Variants in MPP7 observed in about 807,000 individuals in gnomAD.
The protein encoded by MPP7 is MAGUK p55 subfamily member 7.
Under a neutral mutation model 76.5 loss-of-function variants are expected in MPP7, and 60 were observed. The observed-to-expected ratio is 0.78, with a 90% CI of 0.64 to 0.97. The LOEUF (loss-of-function observed/expected upper bound fraction) is 0.97, where lower values mean the gene tolerates loss of function less well. Among genes scored for constraint, MPP7 ranks in the 50% least tolerant of loss-of-function variants. The pLI, the probability that MPP7 is intolerant of heterozygous loss-of-function variation, is 0.00. For synonymous variants in MPP7, 237 were observed against 244.5 expected (o/e 0.97, Z 0.29); for missense variants, 641 against 694.0 (o/e 0.92, Z 0.86).
chr10:28,137,086 A>C (rs1015607698), intron 5 of MPP7, among the ~76,000 whole-genome samples: 1 of 152,188 alleles, frequency 6.6e-6, no homozygotes, highest in Non-Finnish European at 1.5e-5. Context: ...CATCCAAAAG[A>C]TTTAAAAAAC....
chr10:28,123,946 T>C (rs1834924929), intron 8 of MPP7, 85 bp downstream of exon 8: 4 of 900,878 alleles, frequency 4.4e-6, no homozygotes, highest in African/African-American at 3.3e-5. Flanking sequence ...ACAAATCCTG[T>C]CTATGTCAAA....
intron 9 of MPP7, 75 bp downstream of exon 9, chr10:28,120,519 A>T (rs1164813062): frequency 6.6e-7 from 1 of 1,520,384 alleles, no homozygotes. Flanking sequence ...GTGTTGTGAC[A>T]AAGTGGATAT....
chr10:28,144,524 C>G (rs1436544908), intron 5 of MPP7, among the ~76,000 whole-genome samples: 1 of 152,150 alleles, frequency 6.6e-6, no homozygotes, highest in South Asian at 2.1e-4. Flanking sequence ...ACTGTTCGCC[C>G]GTTCTGAGGC....
intron 1 of MPP7, among the ~76,000 whole-genome samples, chr10:28,274,852 C>T (rs1840442423): frequency 6.6e-6 from 1 of 152,140 alleles, no homozygotes; most frequent in South Asian, 2.1e-4. Flanking sequence ...CAAAAATAAG[C>T]TACTCTCATT....
At chr10:28,114,059 A>G (rs182697295) in intron 11 of MPP7, among the ~76,000 whole-genome samples, 4 of 152,280 alleles carry the variant, frequency 2.6e-5, no homozygotes, top group Non-Finnish European at 4.4e-5. Flanking sequence ...CTTCAAGTAC[A>G]TTAGAGCAGG....
chr10:28,335,101 G>T (rs975679492), upstream of MPP7, among the ~76,000 whole-genome samples: 2 of 152,258 alleles, frequency 1.3e-5, no homozygotes, highest in African/African-American at 4.8e-5. Context: ...ACGGCTGTGG[G>T]AGGAGATCTT....
At chr10:28,303,909 A>T (rs1313033669), upstream of MPP7, among the ~76,000 whole-genome samples, 1 of 152,230 alleles carries the variant, frequency 6.6e-6, no homozygotes, top group Non-Finnish European at 1.5e-5. Context: ...TAATGTGGAC[A>T]GCACTACACT....
intron 3 of MPP7, among the ~76,000 whole-genome samples, chr10:28,174,961 C>T (rs1588885157): frequency 6.6e-6 from 1 of 152,132 alleles, no homozygotes; most frequent in South Asian, 2.1e-4. Flanking sequence ...AAGAAAGACA[C>T]AAACAAAATA....
intron 1 of MPP7, among the ~76,000 whole-genome samples, chr10:28,262,357 A>C (rs1840020862): frequency 6.8e-6 from 1 of 147,190 alleles, no homozygotes; most frequent in Non-Finnish European, 1.5e-5. Context: ...CGGCCTCCCA[A>C]AGTGCTGGGA....
intron 5 of MPP7, among the ~76,000 whole-genome samples, chr10:28,146,308 T>C (rs1039590128): frequency 2.6e-5 from 4 of 152,174 alleles, no homozygotes; most frequent in African/African-American, 9.7e-5. Context: ...TCATTAATCA[T>C]AGCCTGTTTA....
At chr10:28,076,344 A>G (rs1852482016) in intron 12 of MPP7, among the ~76,000 whole-genome samples, 1 of 152,216 alleles carries the variant, frequency 6.6e-6, no homozygotes, top group African/African-American at 2.4e-5. Context: ...TTGGTTGTCT[A>G]TAATATGTCA....
At chr10:28,166,394 C>T (rs1347121859) in intron 3 of MPP7, among the ~76,000 whole-genome samples, 5 of 144,860 alleles carry the variant, frequency 3.5e-5, no homozygotes, top group African/African-American at 1.0e-4. Context: ...TATTTTTTAC[C>T]TTTTAATTTT....
In MPP7 at chr10:28,149,965, C is replaced by A. The variant is rs1422320079; in HGVS notation, c.234+17G>T. ...TGCAGCAGACACATCCCAGTGAGCT[C>A]GGAGAGTCACACTTACATCATCGGC... On this transcript the variant is annotated intron_variant, in intron 4 of 16. Transcript: ENST00000683449. 1.2e-6 allele frequency: 2 copies of A among 1,607,496 alleles called. No homozygotes were observed. Among genetic ancestry groups the A allele is most frequent in the Admixed American group, 1.7e-5 (1 of 59,816 alleles).
intron 3 of MPP7, among the ~76,000 whole-genome samples, chr10:28,150,284 T>C (rs2490056): frequency 0.45 from 69,164 of 152,114 alleles, 18,291 homozygotes; most frequent in Middle Eastern, 0.66. Context: ...GTTTACAACA[T>C]GGAGTCAAAT....
intron 16 of MPP7, among the ~76,000 whole-genome samples, chr10:28,056,130 T>C (rs1390580707): frequency 6.6e-6 from 1 of 152,112 alleles, no homozygotes; most frequent in Non-Finnish European, 1.5e-5. Flanking sequence ...GGCTGGAGTG[T>C]AGTGGTGTGA....
At chr10:28,078,951 C>T (rs1852629109) in intron 12 of MPP7, among the ~76,000 whole-genome samples, 1 of 152,076 alleles carries the variant, frequency 6.6e-6, no homozygotes, top group Non-Finnish European at 1.5e-5. Context: ...TAACTACATG[C>T]AAAGATTCTT....
intron 6 of MPP7, among the ~76,000 whole-genome samples, chr10:28,128,164 G>A (rs1835079051): frequency 6.6e-6 from 1 of 152,192 alleles, no homozygotes; most frequent in Non-Finnish European, 1.5e-5. Flanking sequence ...CACAACCTAG[G>A]AGGACCACTC....
rs1853234246 is a variant in MPP7, at chr10:28,090,271, A to G, written c.953-430T>C. ...CCACTGTGCCTGGCCTATTCATCAT[A>G]ATATTGTTAGAAATGCATTCAGTAA... On this transcript the variant is annotated intron_variant, in intron 11 of 16. Transcript: ENST00000683449. Among the ~76,000 whole-genome samples the G allele has an allele frequency of 5.3e-5, 8 of 152,296 alleles. 1 individual carries two copies. In the South Asian group the frequency reaches 1.7e-3, roughly 32 times the overall value.
chr10:28,078,855 C>T (rs1852621905), intron 12 of MPP7, among the ~76,000 whole-genome samples: 1 of 152,034 alleles, frequency 6.6e-6, no homozygotes, highest in East Asian at 1.9e-4. Context: ...TCATTTTAAC[C>T]AAAGTTACGT....
Sources: gnomAD v4.1 joint callset for allele counts (sites outside exome capture counted in the v4.1 genomes callset) on GRCh38, gnomAD v4.1.1 for gene constraint, MANE v1.5 for transcripts, NCBI Gene and HGNC (gene_info 2026-07-23, HGNC 2026-07-21) for gene names.